SYN3: variants seen among roughly 807,000 people sequenced by gnomAD.
SYN3 encodes synapsin-3.
A neutral mutation model predicts 65.8 loss-of-function variants in SYN3; 35 were observed. That is an observed-to-expected ratio of 0.53 (90% confidence interval 0.41 to 0.70). SYN3 has a LOEUF of 0.70. SYN3 is among the 30% of genes least tolerant of loss of function. SYN3 has a pLI of 0.00. For missense variants in SYN3, 680 were observed against 749.0 expected, an observed-to-expected ratio of 0.91 and a Z score of 1.08; for synonymous variants, 270 against 292.9, an observed-to-expected ratio of 0.92 and a Z score of 0.80.
intron 1 of SYN3, among the ~76,000 whole-genome samples, chr22:33,056,447 G>A (rs571116763): frequency 6.6e-6 from 1 of 152,232 alleles, no homozygotes; most frequent in African/African-American, 2.4e-5. Context: ...CAGCTCCCAG[G>A]TGAGTCCCTA....
intron 6 of SYN3, among the ~76,000 whole-genome samples, chr22:32,838,703 A>G (rs1401187872): frequency 2.0e-5 from 3 of 151,906 alleles, no homozygotes; most frequent in Non-Finnish European, 4.4e-5. Flanking sequence ...GAGTAACTCT[A>G]TGGAACAAGG....
chr22:32,859,118 A>G, intron 6 of SYN3: 1 of 1,575,358 alleles, frequency 6.3e-7, no homozygotes, highest in Non-Finnish European at 8.7e-7. Flanking sequence ...CAGGCTCGGT[A>G]GCCTCAGGCC....
At chr22:32,598,914 A>G (rs2059241639) in intron 6 of SYN3, among the ~76,000 whole-genome samples, 1 of 152,206 alleles carries the variant, frequency 6.6e-6, no homozygotes, top group Non-Finnish European at 1.5e-5. Context: ...ACTCACTATA[A>G]AAACTTTGCA....
rs2046571387 is a variant in SYN3, at chr22:32,801,414, C to T, written c.711+63501G>A. Among the ~76,000 whole-genome samples, 1 of 152,212 alleles carries T rather than the reference C, an allele frequency of 6.6e-6. No individual in the cohort carries two copies. The highest frequency in any genetic ancestry group is 2.4e-5 in the African/African-American group (1 of 41,464). On this transcript the variant is annotated intron_variant, in intron 6 of 13. Transcript: ENST00000358763. This position sits in a 1 kb window ranked among gnomAD's most constrained non-coding sequence, Gnocchi z 4.7. Reference sequence around the variant, plus strand: ...GGTGGGCGTGGGGCCAGGGCGCAGACGAGAAGGGGCACGAGGGCTCCGCTC... The same window carrying T: ...GGTGGGCGTGGGGCCAGGGCGCAGATGAGAAGGGGCACGAGGGCTCCGCTC...
At chr22:32,552,565 T>C (rs2058433239) in intron 7 of SYN3, among the ~76,000 whole-genome samples, 1 of 151,750 alleles carries the variant, frequency 6.6e-6, no homozygotes, top group African/African-American at 2.4e-5. Context: ...GATGAGGACA[T>C]AAAATTGTAC....
At chr22:32,739,781 T>C (rs2061381586) in intron 6 of SYN3, among the ~76,000 whole-genome samples, 1 of 152,214 alleles carries the variant, frequency 6.6e-6, no homozygotes, top group South Asian at 2.1e-4. Context: ...TGTTAAATAT[T>C]TTGAGTATTA....
intron 7 of SYN3, among the ~76,000 whole-genome samples, chr22:32,545,551 C>T (rs1441938334): frequency 1.3e-5 from 2 of 151,132 alleles, no homozygotes; most frequent in African/African-American, 4.9e-5. Flanking sequence ...GAACCCAGGT[C>T]TCTCTCTCTC....
At chr22:32,642,161 C>G (rs1008451560) in intron 6 of SYN3, among the ~76,000 whole-genome samples, 4 of 151,766 alleles carry the variant, frequency 2.6e-5, no homozygotes, top group Non-Finnish European at 5.9e-5. Context: ...GTGGTGCAAG[C>G]GCCTGTAATC....
In SYN3 at chr22:32,518,058, G is replaced by A; in HGVS notation, c.1595C>T (p.Pro532Leu). Residue 532 changes from proline to leucine, a missense_variant, in exon 13 of 14, where the codon CCC (proline) becomes CTC (leucine). Transcript: ENST00000358763. Reference sequence around the variant, plus strand: ...AAGCACTTACTTGAGATGCGGATGGGGTGGTGCTGGCTTCTTGGACTCTTC... The same window carrying A: ...AAGCACTTACTTGAGATGCGGATGGAGTGGTGCTGGCTTCTTGGACTCTTC... ...QGEESKKPAP[P>L]HPHLNKSQSL... 6.6e-7 allele frequency: 1 copy of A among 1,525,596 alleles called. No individual in the cohort carries two copies. 94.5% of individuals were successfully genotyped at this position (1,525,596 alleles called of 1,614,324 possible).
intron 4 of SYN3, among the ~76,000 whole-genome samples, chr22:32,869,541 C>T (rs762575116): frequency 2.0e-5 from 3 of 151,986 alleles, no homozygotes; most frequent in Non-Finnish European, 4.4e-5. Context: ...TCATCAACTC[C>T]CATTTCACAA....
At chr22:32,535,316 G>A (rs2058145647) in intron 9 of SYN3, among the ~76,000 whole-genome samples, 1 of 152,184 alleles carries the variant, frequency 6.6e-6, no homozygotes, top group African/African-American at 2.4e-5. Context: ...ATCATAAAAT[G>A]GGAAAGCCTA....
At chr22:32,988,151 AC>A (rs558400848) in intron 2 of SYN3, among the ~76,000 whole-genome samples, 1,899 of 152,012 alleles carry the variant, frequency 0.012, 29 homozygotes, top group African/African-American at 0.042. Context: ...TACTAAAAAT[AC>A]AAAAATTAGC....
Position 33,008,924 on chromosome 22 carries a change from C to CAAAAAAAAA in SYN3, c.-162-2109_-162-2101dup, listed in dbSNP as rs201719238. ...TGGGTGACAGAGTAAGACTTTATCT[C>CAAAAAAAAA]AAAAAAAAAAAAAAAAAAAAAAAAA... On this transcript the variant is annotated intron_variant, in intron 1 of 13. Coordinates refer to ENST00000358763, the MANE Select transcript of SYN3 (RefSeq NM_003490.4). Among the ~76,000 whole-genome samples the CAAAAAAAAA allele has an allele frequency of 4.7e-4, 27 of 57,084 alleles. 2 individuals are homozygous for CAAAAAAAAA. The highest frequency in any genetic ancestry group is 1.5e-3 in the East Asian group (1 of 650). 37.4% of individuals were successfully genotyped at this position (57,084 alleles called of 152,430 possible).
At position 32,511,564 on chromosome 22, in the gene SYN3, T is replaced by A. The variant is rs187650194; in HGVS notation, c.*2128A>T. ...CATGCCAGACATGCAGGGACTGTCC[T>A]ATAACATGGAACTCAGCCGAGCATG... On this transcript the variant is annotated 3_prime_UTR_variant, in exon 14 of 14. Transcript: ENST00000358763. Among the ~76,000 whole-genome samples the A allele has an allele frequency of 1.2e-3, 177 of 152,324 alleles. 1 individual carries two copies. The highest frequency in any genetic ancestry group is 8.2e-3 in the Admixed American group (125 of 15,302).
intron 4 of SYN3, among the ~76,000 whole-genome samples, chr22:32,927,784 A>G (rs2050514672): frequency 6.6e-6 from 1 of 152,208 alleles, no homozygotes; most frequent in South Asian, 2.1e-4. Flanking sequence ...TAAAGTACAT[A>G]CATACTTTAC....
intron 7 of SYN3, among the ~76,000 whole-genome samples, chr22:32,567,759 T>C (rs1010800937): frequency 2.6e-5 from 4 of 152,022 alleles, no homozygotes; most frequent in African/African-American, 7.2e-5. Context: ...CAGCCCGAGG[T>C]CACACAGCCA....
Position 32,988,468 on chromosome 22 carries a change from C to T in SYN3, c.312-7766G>A, listed in dbSNP as rs538093716. Among the ~76,000 whole-genome samples, 39 of 152,076 alleles carry T rather than the reference C, an allele frequency of 2.6e-4. 1 individual carries two copies. The South Asian group carries it at 4.0e-3, about 15-fold the overall frequency. On this transcript the variant is annotated intron_variant, in intron 2 of 13. Coordinates refer to ENST00000358763, the MANE Select transcript of SYN3 (RefSeq NM_003490.4). The stretch of plus-strand genomic sequence containing the variant: ...TGGTAGAAAAGGCTTCTTTCAAAGA[C>T]GCTGAACATACACAGATAGACCACC...
intron 6 of SYN3, among the ~76,000 whole-genome samples, chr22:32,767,033 T>C (rs905076263): frequency 1.3e-5 from 2 of 152,162 alleles, no homozygotes; most frequent in African/African-American, 4.8e-5. Context: ...CCCTTCCAAA[T>C]CCAAATCAGT....
chr22:32,619,659 C>T (rs1163449850), intron 6 of SYN3, among the ~76,000 whole-genome samples: 3 of 152,174 alleles, frequency 2.0e-5, no homozygotes, highest in African/African-American at 4.8e-5. Flanking sequence ...TTTCCTGTGT[C>T]CATGACCTTT....
Sources: allele counts gnomAD v4.1 joint callset (sites outside exome capture counted in the v4.1 genomes callset), GRCh38; gene constraint gnomAD v4.1.1; non-coding constraint Gnocchi (gnomAD v3.1); transcripts MANE v1.5; gene names NCBI Gene and HGNC (gene_info 2026-07-23, HGNC 2026-07-21).